Variants in HTR2C observed in about 807,000 individuals in gnomAD.
HTR2C encodes 5-hydroxytryptamine receptor 2C.
A neutral mutation model predicts 21.0 loss-of-function variants in HTR2C; 5 were observed. The observed-to-expected ratio is 0.24, with a 90% confidence interval of 0.12 to 0.50. HTR2C has a LOEUF of 0.50. Among genes scored for constraint, HTR2C ranks in the 20% least tolerant of loss-of-function variants. The pLI is 0.98. For missense variants in HTR2C, 271 were observed against 371.2 expected (o/e 0.73, Z 2.22); for synonymous variants, 150 against 145.3 (o/e 1.03, Z -0.23).
intron 2 of HTR2C, among the ~76,000 whole-genome samples, chrX:114,646,494 A>T (rs1283491808): frequency 1.8e-5 from 2 of 112,398 alleles, no homozygotes; most frequent in Admixed American, 9.4e-5. Flanking sequence ...TGTTGCTAAC[A>T]GTTGTGAGGT....
At chrX:114,669,892 GA>G (rs1416300447) in intron 2 of HTR2C, among the ~76,000 whole-genome samples, 1 of 112,040 alleles carries the variant, frequency 8.9e-6, no homozygotes, top group Non-Finnish European at 1.9e-5. Flanking sequence ...TAAAAGATGA[GA>G]AAACAATCAT....
chrX:114,810,860 A>G (rs1271390345), intron 4 of HTR2C, among the ~76,000 whole-genome samples: 1 of 110,072 alleles, frequency 9.1e-6, no homozygotes, highest in Non-Finnish European at 1.9e-5. Context: ...ACCTCCCTGA[A>G]GCAAATAAAA....
chrX:114,667,254 C>A (rs1931211131), intron 2 of HTR2C, among the ~76,000 whole-genome samples: 1 of 110,661 alleles, frequency 9.0e-6, no homozygotes, highest in Non-Finnish European at 1.9e-5. Context: ...TTATGCAGAG[C>A]TCTAATTTTA....
intron 2 of HTR2C, among the ~76,000 whole-genome samples, chrX:114,677,774 T>A (rs2147852811): frequency 9.0e-6 from 1 of 111,376 alleles, no homozygotes. Flanking sequence ...TTCTTGCAAT[T>A]GTTTTCTGCC....
At chrX:114,764,126 C>T (rs1301747089) in intron 4 of HTR2C, among the ~76,000 whole-genome samples, 2 of 111,359 alleles carry the variant, frequency 1.8e-5, no homozygotes, top group Non-Finnish European at 1.9e-5. Flanking sequence ...TGGCTGGGTG[C>T]GGTGGCTCAT....
chrX:114,651,014 C>T (rs1461550745), intron 2 of HTR2C, among the ~76,000 whole-genome samples: 2 of 111,928 alleles, frequency 1.8e-5, no homozygotes, highest in African/African-American at 6.5e-5. Flanking sequence ...TTGCAGTTTA[C>T]AGAACACTTT....
chrX:114,843,928 C>G (rs143170197), intron 4 of HTR2C, among the ~76,000 whole-genome samples: 3,688 of 110,005 alleles, frequency 0.034, 59 homozygotes, highest in Non-Finnish European at 0.053. Context: ...AGAGCAAAAA[C>G]AAAAACAAAA....
chrX:114,694,960 C>T (rs1569484650), intron 2 of HTR2C, among the ~76,000 whole-genome samples: 1 of 111,901 alleles, frequency 8.9e-6, no homozygotes, highest in East Asian at 2.8e-4. Flanking sequence ...ACCATTGAAA[C>T]TTTAAAATCA....
chrX:114,808,881 G>A (rs1556451797), intron 4 of HTR2C, among the ~76,000 whole-genome samples: 1 of 111,380 alleles, frequency 9.0e-6, no homozygotes, highest in South Asian at 3.8e-4. Flanking sequence ...TTGTCAGATG[G>A]GTAGTTTGAA....
chrX:114,806,380 CCAT>C lies in HTR2C; in HGVS notation c.350-41622_350-41620del, dbSNP rs2070436057. ...CATATATATACCGTATATATACACA[CCAT>C]ATATATATACTGTATATATATACAC... On this transcript the variant is annotated intron_variant, in intron 4 of 5. Coordinates refer to ENST00000276198, the MANE Select transcript of HTR2C (RefSeq NM_000868.4). Among the ~76,000 whole-genome samples the C allele has an allele frequency of 2.3e-4, 3 of 13,299 alleles. 1 individual carries two copies. In the East Asian group the frequency reaches 0.073, roughly 324 times the overall value. 11.5% of individuals were successfully genotyped at this position (13,299 alleles called of 115,157 possible).
At chrX:114,691,311 C>T (rs1391291079) in intron 2 of HTR2C, among the ~76,000 whole-genome samples, 1 of 111,125 alleles carries the variant, frequency 9.0e-6, no homozygotes, top group African/African-American at 3.3e-5. Flanking sequence ...CTGCCCGATG[C>T]TAAGTGTTAG....
At chrX:114,804,432 A>G (rs1556448044) in intron 4 of HTR2C, among the ~76,000 whole-genome samples, 4 of 112,210 alleles carry the variant, frequency 3.6e-5, no homozygotes, top group Non-Finnish European at 7.5e-5. Context: ...CTAAAATTGC[A>G]TATGATTACT....
intron 4 of HTR2C, among the ~76,000 whole-genome samples, chrX:114,836,576 C>T (rs182864328): frequency 4.2e-3 from 475 of 111,935 alleles, no homozygotes; most frequent in Non-Finnish European, 6.0e-3. Flanking sequence ...GTGCACGGTG[C>T]GTGCACCCAC....
chrX:114,631,924 T>C (rs1556404375), intron 2 of HTR2C, among the ~76,000 whole-genome samples: 1 of 112,337 alleles, frequency 8.9e-6, no homozygotes, highest in African/African-American at 3.2e-5. Context: ...TGTTAGCTTA[T>C]TAACTAATTG....
At chrX:114,818,083 A>G (rs968694730) in intron 4 of HTR2C, among the ~76,000 whole-genome samples, 2 of 111,844 alleles carry the variant, frequency 1.8e-5, no homozygotes, top group East Asian at 5.6e-4. Flanking sequence ...AGAGTGAAAA[A>G]CATAAACTAC....
rs1556449864 is a variant in HTR2C at position 114,806,580 on chromosome X, ATATATAT to A, written c.350-41422_350-41416del. Among the ~76,000 whole-genome samples the A allele has an allele frequency of 4.1e-3, 387 of 95,164 alleles. 13 individuals carry two copies. Among genetic ancestry groups the A allele is most frequent in the African/African-American group, 0.014 (368 of 26,460 alleles). 82.6% of individuals were successfully genotyped at this position (95,164 alleles called of 115,157 possible). On this transcript the variant is annotated intron_variant, in intron 4 of 5. Transcript: ENST00000276198. The stretch of plus-strand genomic sequence containing the variant: ...ATATACCATATACATCATATATATC[ATATATAT>A]CATATATATCATATATACACCATAT...
At chrX:114,793,924 G>A (rs191407224) in intron 4 of HTR2C, among the ~76,000 whole-genome samples, 110 of 110,511 alleles carry the variant, frequency 1.0e-3, no homozygotes, top group Middle Eastern at 4.8e-3. Context: ...TAAGTTAGAT[G>A]TTAGTGAGTG....
At chrX:114,883,005 T>C (rs2071193626) in intron 5 of HTR2C, among the ~76,000 whole-genome samples, 1 of 110,439 alleles carries the variant, frequency 9.1e-6, no homozygotes, top group African/African-American at 3.3e-5. Flanking sequence ...TTATGAACTT[T>C]TCATTGTGCA....
chrX:114,872,481 C>A (rs187841257), intron 5 of HTR2C, among the ~76,000 whole-genome samples: 114 of 109,418 alleles, frequency 1.0e-3, no homozygotes, highest in African/African-American at 3.6e-3. Context: ...ACTATATCCC[C>A]TAAGTTTTCT....
Sources: allele counts gnomAD v4.1 joint callset (sites outside exome capture counted in the v4.1 genomes callset), GRCh38; gene constraint gnomAD v4.1.1; transcripts MANE v1.5; gene names NCBI Gene and HGNC (gene_info 2026-07-23, HGNC 2026-07-21).